Variants in AUTS2 observed in about 807,000 individuals in gnomAD.
AUTS2 encodes the protein activator of transcription and developmental regulator AUTS2.
In AUTS2, 17 loss-of-function variants were observed where a neutral mutation model predicts 112.4. That is an observed-to-expected ratio of 0.15 (90% CI 0.10 to 0.23). The LOEUF is 0.23. AUTS2 is among the 10% of genes least tolerant of loss of function. AUTS2 has a pLI of 1.00. For missense variants in AUTS2, 1,510 were observed against 1,701.6 expected (o/e 0.89, Z 1.98); for synonymous variants, 751 against 702.7 (o/e 1.07, Z -1.09).
At chr7:69,753,341 T>C (rs980736141) in intron 1 of AUTS2, among the ~76,000 whole-genome samples, 1 of 151,134 alleles carries the variant, frequency 6.6e-6, no homozygotes, top group East Asian at 1.9e-4. Context: ...TTGGAAATTG[T>C]TCCTGTTGAT....
intron 4 of AUTS2, among the ~76,000 whole-genome samples, chr7:70,136,040 C>T (rs1051043654): frequency 1.3e-5 from 2 of 152,064 alleles, no homozygotes; most frequent in African/African-American, 4.8e-5. Flanking sequence ...AGTAGGATCA[C>T]CCTGAAAGAA....
intron 4 of AUTS2, among the ~76,000 whole-genome samples, chr7:70,278,498 G>A (rs905837412): frequency 1.1e-4 from 16 of 152,120 alleles, no homozygotes; most frequent in African/African-American, 3.6e-4. Flanking sequence ...TGGGAGGCTT[G>A]AGCCTGGGTG....
intron 2 of AUTS2, among the ~76,000 whole-genome samples, chr7:70,082,179 A>T (rs920416103): frequency 2.0e-5 from 3 of 152,212 alleles, no homozygotes; most frequent in African/African-American, 7.2e-5. Flanking sequence ...GAATGTAACT[A>T]TGGAAATAAA....
At chr7:70,606,611 A>G (rs1466999856) in intron 5 of AUTS2, among the ~76,000 whole-genome samples, 2 of 152,186 alleles carry the variant, frequency 1.3e-5, no homozygotes, top group Non-Finnish European at 2.9e-5. Context: ...CTGTAATCTC[A>G]GCACTTTGGG....
At chr7:69,737,434 G>C (rs1216577003) in intron 1 of AUTS2, among the ~76,000 whole-genome samples, 1 of 152,144 alleles carries the variant, frequency 6.6e-6, no homozygotes, top group Non-Finnish European at 1.5e-5. Flanking sequence ...GCTAGTAAAA[G>C]TCGGGCAGAG....
At chr7:69,709,340 C>T (rs1798210052) in intron 1 of AUTS2, among the ~76,000 whole-genome samples, 2 of 152,110 alleles carry the variant, frequency 1.3e-5, no homozygotes, top group South Asian at 2.1e-4. Flanking sequence ...GCTGTGTGTT[C>T]ATTGTAAACC....
chr7:70,661,759 G>T (rs1195686979), intron 5 of AUTS2, among the ~76,000 whole-genome samples: 1 of 152,084 alleles, frequency 6.6e-6, no homozygotes, highest in Non-Finnish European at 1.5e-5. Flanking sequence ...AAATGAGTCT[G>T]GGGAGGTGGA....
intron 1 of AUTS2, among the ~76,000 whole-genome samples, chr7:69,682,302 A>G (rs1418589790): frequency 1.3e-5 from 2 of 152,216 alleles, no homozygotes; most frequent in African/African-American, 4.8e-5. Context: ...GGCTGGGATT[A>G]AAACTTCAGT....
chr7:69,859,505 A>T (rs112031866), intron 1 of AUTS2, among the ~76,000 whole-genome samples: 1 of 152,218 alleles, frequency 6.6e-6, no homozygotes, highest in South Asian at 2.1e-4. Context: ...TCTCAGACTC[A>T]TATTCATTTG....
intron 1 of AUTS2, among the ~76,000 whole-genome samples, chr7:69,683,003 T>C (rs1272582131): frequency 1.3e-5 from 2 of 151,906 alleles, no homozygotes; most frequent in South Asian, 2.1e-4. Flanking sequence ...GAGCGGAAAG[T>C]TTAATAGGCA....
intron 1 of AUTS2, among the ~76,000 whole-genome samples, chr7:69,788,850 A>G (rs1340758500): frequency 1.3e-5 from 2 of 152,072 alleles, no homozygotes; most frequent in Non-Finnish European, 2.9e-5. Flanking sequence ...AATCAAATAC[A>G]CTGGGGAACA....
chr7:70,303,227 C>T (rs1203322020), intron 4 of AUTS2, among the ~76,000 whole-genome samples: 4 of 152,094 alleles, frequency 2.6e-5, no homozygotes, highest in Non-Finnish European at 4.4e-5. Context: ...ACATGCCACC[C>T]CCACTTCCAC....
At chr7:70,188,553 G>A (rs1231820359) in intron 4 of AUTS2, among the ~76,000 whole-genome samples, 4 of 151,926 alleles carry the variant, frequency 2.6e-5, no homozygotes, top group Admixed American at 6.6e-5. Context: ...TCAGCAGCCC[G>A]TTAGGTAGAA....
chr7:70,503,648 G>A (rs1211617704), intron 5 of AUTS2, among the ~76,000 whole-genome samples: 3 of 150,818 alleles, frequency 2.0e-5, no homozygotes, highest in Non-Finnish European at 4.4e-5. Flanking sequence ...CTCCCAAGCA[G>A]CTGGGACTAC....
At chr7:70,377,325 A>AATATATATATATATATAT (rs58244266) in intron 4 of AUTS2, among the ~76,000 whole-genome samples, 7 of 52,086 alleles carry the variant, frequency 1.3e-4, no homozygotes, top group Non-Finnish European at 2.2e-4. Flanking sequence ...AACAAATATA[A>AATATATATATATATATAT]ATATATATAT....
intron 1 of AUTS2, among the ~76,000 whole-genome samples, chr7:69,760,875 G>A (rs796205400): frequency 3.3e-5 from 5 of 152,256 alleles, no homozygotes; most frequent in African/African-American, 1.2e-4. Context: ...ACATAATCCT[G>A]TATATCAGTA....
intron 5 of AUTS2, among the ~76,000 whole-genome samples, chr7:70,619,896 C>T (rs1804579238): frequency 6.6e-6 from 1 of 152,232 alleles, no homozygotes; most frequent in South Asian, 2.1e-4. Flanking sequence ...CACCCCCACA[C>T]CCATTCACTG....
chr7:70,304,850 A>G (rs1043616140), intron 4 of AUTS2, among the ~76,000 whole-genome samples: 3 of 148,768 alleles, frequency 2.0e-5, no homozygotes, highest in Non-Finnish European at 3.0e-5. Context: ...CAAAGGCTCT[A>G]TTTCAGTAGA....
At chr7:70,729,852 TTGTATGTATGTA>T (rs56233310) in intron 6 of AUTS2, among the ~76,000 whole-genome samples, 9,732 of 148,830 alleles carry the variant, frequency 0.065, 350 homozygotes, top group Non-Finnish European at 0.088. Context: ...TGTTTGCCCA[TTGTATGTATGTA>T]TGTATGTATG....
Sources: allele counts gnomAD v4.1 joint callset (sites outside exome capture counted in the v4.1 genomes callset), GRCh38; gene constraint gnomAD v4.1.1; transcripts MANE v1.5; gene names NCBI Gene and HGNC (gene_info 2026-07-23, HGNC 2026-07-21).